The following SLC26A3 variants were observed in gnomAD, a reference collection of about 807,000 sequenced individuals.
SLC26A3 encodes the protein chloride anion exchanger.
A neutral mutation model predicts 85.6 loss-of-function variants in SLC26A3; 64 were observed. The ratio of observed to expected loss-of-function variants is 0.75; its 90% CI spans 0.61 to 0.92. SLC26A3 has a LOEUF of 0.92. SLC26A3 is among the 40% of genes least tolerant of loss of function. The probability of loss-of-function intolerance (pLI) is 0.00; values close to 1 mark genes in which losing one functional copy is unlikely to be tolerated. For synonymous variants in SLC26A3, 349 were observed against 336.0 expected, an observed-to-expected ratio of 1.04 and a Z score of -0.42; for missense variants, 922 against 927.3, an observed-to-expected ratio of 0.99 and a Z score of 0.07.
At chr7:107,800,923 T>C (rs1417288377) in intron 1 of SLC26A3, among the ~76,000 whole-genome samples, 1 of 152,188 alleles carries the variant, frequency 6.6e-6, no homozygotes, top group Non-Finnish European at 1.5e-5. Flanking sequence ...GAAAGGTTAT[T>C]GAGAGTTCCA....
chr7:107,789,762 A>T, intron 5 of SLC26A3, 74 bp from the exon 6 acceptor site: 1 of 1,436,342 alleles, frequency 7.0e-7, no homozygotes, highest in Admixed American at 2.0e-5. Flanking sequence ...TCCGCAACTG[A>T]AATAATATTA....
rs1793906618 is a variant in SLC26A3, at chr7:107,765,936, T to C, written c.2272-58A>G. Reference sequence around the variant, plus strand: ...TACTCGTCAAGTTCTGTTACAATAATCACATCTTAGGAGCTAGAATTTACC... The same window carrying C: ...TACTCGTCAAGTTCTGTTACAATAACCACATCTTAGGAGCTAGAATTTACC... On this transcript the variant is annotated intron_variant, in intron 20 of 20. Coordinates refer to ENST00000340010, the MANE Select transcript of SLC26A3 (RefSeq NM_000111.3). The C allele has an allele frequency of 5.4e-6, 8 of 1,475,020 alleles. No homozygotes were observed. The South Asian group carries it at 9.1e-5, about 17-fold the overall frequency. The allele number at this position is 1,475,020 out of a possible 1,614,324, so 91.4% of individuals were successfully genotyped here.
rs1304452246 is a variant in SLC26A3, at chr7:107,774,128, G to T, written c.1799C>A (p.Thr600Asn). Residue 600 changes from threonine (T) to asparagine (N), a missense_variant, in exon 17 of 21, where the codon ACC becomes AAC. Physicochemically the swap from Thr to Asn is moderately conservative, Grantham distance 65. Transcript: ENST00000340010. ...CAGCTCTTCGTCAGAATCTTTTATG[G>T]TGTCAACAGTACATATAAATCCTTT... Reference protein sequence around the residue: ...TPKGFICTVDTIKDSDEELDN... With the variant: ...TPKGFICTVDNIKDSDEELDN... The T allele has an allele frequency of 6.2e-7, 1 of 1,613,882 alleles. No individual in the cohort carries two copies. The highest frequency in any genetic ancestry group is 1.7e-5 in the Admixed American group (1 of 60,012).
At chr7:107,802,856 C>A (rs1448817650) in intron 1 of SLC26A3, among the ~76,000 whole-genome samples, 2 of 148,146 alleles carry the variant, frequency 1.4e-5, no homozygotes, top group African/African-American at 5.0e-5. Context: ...ACACTAATAT[C>A]TTTGAAAAGG....
chr7:107,774,251 G>T, intron 16 of SLC26A3, 98 bp from the exon 17 acceptor site: 3 of 965,258 alleles, frequency 3.1e-6, no homozygotes, highest in Non-Finnish European at 3.3e-6. Flanking sequence ...ATTCTGAGTT[G>T]AGCCAAACGA....
rs562182590 is a variant in SLC26A3, at chr7:107,775,900, A to T, written c.1677+552T>A. 1.2e-4 allele frequency: 19 copies of T among 160,426 alleles called. No individual in the cohort carries two copies. The South Asian group carries it at 3.2e-3, about 27-fold the overall frequency. The allele number at this position is 160,426 out of a possible 1,614,324, so 9.9% of individuals were successfully genotyped here. ...AATAATAATAGTTAAGGTTTAAGGCAGAGGCTGTATGCAAGGTACAGAGTA... is the reference window on the plus strand; with the variant it reads ...AATAATAATAGTTAAGGTTTAAGGCTGAGGCTGTATGCAAGGTACAGAGTA... On this transcript the variant is annotated intron_variant, in intron 15 of 20. Coordinates refer to ENST00000340010, the MANE Select transcript of SLC26A3 (RefSeq NM_000111.3).
At chr7:107,772,591 T>C (rs1242417235) in intron 17 of SLC26A3, among the ~76,000 whole-genome samples, 1 of 152,188 alleles carries the variant, frequency 6.6e-6, no homozygotes, top group Non-Finnish European at 1.5e-5. Flanking sequence ...AGTAGTGATA[T>C]GAGTAAGATC....
chr7:107,766,450 A>C (rs1793916914), intron 20 of SLC26A3, among the ~76,000 whole-genome samples: 1 of 152,124 alleles, frequency 6.6e-6, no homozygotes, highest in South Asian at 2.1e-4. Context: ...GCAAGGTGCC[A>C]GTTTTATTGG....
rs532701614 is a variant in SLC26A3 at position 107,802,648 on chromosome 7, C to T, written c.-89+463G>A. Among the ~76,000 whole-genome samples, 7 of 151,034 alleles carry T rather than the reference C, an allele frequency of 4.6e-5. No homozygotes were observed. The South Asian group carries it at 1.5e-3, about 32-fold the overall frequency. ...TCTTGAGTAGCTAGGACTATAGATA[C>T]ATATCCCTATGCCTGGCTGGGACCA... is the stretch of plus-strand genomic sequence containing the variant. On this transcript the variant is annotated intron_variant, in intron 1 of 20. Transcript: ENST00000340010.
intron 11 of SLC26A3, 143 bp from the exon 12 acceptor site, chr7:107,779,906 C>A: frequency 1.4e-6 from 1 of 717,996 alleles, no homozygotes; most frequent in Non-Finnish European, 2.5e-6. Flanking sequence ...GTGTGCGATG[C>A]CACGCAAGAC....
At chr7:107,794,856 A>T (rs1398099075) in intron 1 of SLC26A3, among the ~76,000 whole-genome samples, 1 of 152,176 alleles carries the variant, frequency 6.6e-6, no homozygotes, top group Non-Finnish European at 1.5e-5. Context: ...TCAATTAGTC[A>T]ATTTTTTACT....
intron 3 of SLC26A3, among the ~76,000 whole-genome samples, chr7:107,792,346 A>T (rs1414304001): frequency 6.6e-6 from 1 of 152,074 alleles, no homozygotes; most frequent in Admixed American, 6.6e-5. Context: ...AAATAATTAT[A>T]CAATTCACCA....
intron 17 of SLC26A3, 122 bp from the exon 18 acceptor site, chr7:107,772,230 A>C: frequency 1.5e-6 from 1 of 689,364 alleles, no homozygotes; most frequent in South Asian, 1.6e-5. Flanking sequence ...AACATTTTGA[A>C]AAGAGATAAT....
rs1344409154 is a variant in SLC26A3, at chr7:107,793,811, G to C, written c.202C>G (p.Arg68Gly). Reference protein sequence around the residue: ...FPIASWLPAYRLKEWLLSDIV... With the variant: ...FPIASWLPAYGLKEWLLSDIV... ...TCACTGAGCAACCATTCTTTAAGCC[G>C]GTATGCTGGCAACCAAGATGCTATG... The change falls in exon 3 of 21, where the codon CGG becomes GGG. Residue 68 changes from arginine (R) to glycine (G), a missense_variant. Physicochemically the swap from Arg to Gly is moderately radical, Grantham distance 125 (BLOSUM62 -2). Transcript: ENST00000340010. 1 of 1,614,002 alleles carries C rather than the reference G, an allele frequency of 6.2e-7. No individual in the cohort carries two copies. The highest frequency in any genetic ancestry group is 8.5e-7 in the Non-Finnish European group (1 of 1,179,938).
chr7:107,776,145 T>C (rs901768994), intron 15 of SLC26A3: 1 of 407,680 alleles, frequency 2.5e-6, no homozygotes, highest in Non-Finnish European at 4.5e-6. Context: ...AAAGAAAATC[T>C]GTAGGATGAC....
chr7:107,783,730 C>T (rs1266318446), intron 8 of SLC26A3, among the ~76,000 whole-genome samples: 3 of 152,228 alleles, frequency 2.0e-5, no homozygotes, highest in Non-Finnish European at 4.4e-5. Context: ...GTTATCCATA[C>T]ATGAAGTCCT....
At chr7:107,776,353 G>A (rs2115820810) in intron 15 of SLC26A3, 99 bp downstream of exon 15, 2 of 1,000,130 alleles carry the variant, frequency 2.0e-6, no homozygotes, top group East Asian at 2.4e-5. Flanking sequence ...CTCAACATAT[G>A]TGACACAACC....
chr7:107,791,907 G>T lies in SLC26A3; in HGVS notation c.305C>A (p.Pro102Gln). The T allele has an allele frequency of 6.2e-7, 1 of 1,613,430 alleles. No individual in the cohort carries two copies. Among genetic ancestry groups the T allele is most frequent in the Non-Finnish European group, 8.5e-7 (1 of 1,179,398 alleles). ...LAFALLVDIP[P>Q]VYGLYASFFP... ...AAAGGATGCATACAACCCATAGACT[G>T]GGGGAATGTCGACCAGCAGAGCAAA... The change falls in exon 4 of 21, where the codon CCA becomes CAA. Residue 102 changes from proline to glutamine, a missense_variant. Physicochemically the swap from Pro to Gln is moderately conservative, Grantham distance 76. Transcript: ENST00000340010.
chr7:107,768,907 T>A (rs1793959659), intron 18 of SLC26A3, among the ~76,000 whole-genome samples: 1 of 152,122 alleles, frequency 6.6e-6, no homozygotes, highest in African/African-American at 2.4e-5. Context: ...GAGGGCATTG[T>A]GGCCACCAGG....
Sources: allele counts gnomAD v4.1 joint callset (sites outside exome capture counted in the v4.1 genomes callset), GRCh38; gene constraint gnomAD v4.1.1; transcripts MANE v1.5; gene names NCBI Gene and HGNC (gene_info 2026-07-23, HGNC 2026-07-21).